Variants in GALNT13 observed in about 807,000 individuals in gnomAD.
GALNT13 encodes the protein polypeptide N-acetylgalactosaminyltransferase 13, also known as UDP-GalNAc:polypeptide N-acetylgalactosaminyltransferase 13.
In GALNT13, 28 loss-of-function variants were observed where a neutral mutation model predicts 64.2. The ratio of observed to expected loss-of-function variants is 0.44; its 90% CI spans 0.32 to 0.60. The LOEUF (loss-of-function observed/expected upper bound fraction) is 0.60. GALNT13 is among the 20% of genes least tolerant of loss of function. GALNT13 has a pLI of 0.05. For synonymous variants in GALNT13, 214 were observed against 224.6 expected, an observed-to-expected ratio of 0.95 and a Z score of 0.42; for missense variants, 577 against 669.8, an observed-to-expected ratio of 0.86 and a Z score of 1.53.
intron 3 of GALNT13, among the ~76,000 whole-genome samples, chr2:154,080,680 T>A (rs1396034870): frequency 6.6e-6 from 1 of 151,688 alleles, no homozygotes; most frequent in African/African-American, 2.4e-5. Flanking sequence ...ATGCACCTTT[T>A]CATACTGTGG....
At chr2:154,444,321 G>T (rs1254465063) in intron 12 of GALNT13, among the ~76,000 whole-genome samples, 1 of 151,966 alleles carries the variant, frequency 6.6e-6, no homozygotes, top group Non-Finnish European at 1.5e-5. Flanking sequence ...AATGTGCAAG[G>T]ACTTGAATAA....
the GALNT13 span, chr2:153,371,148 A>T: frequency 2.0e-5 from 3 of 153,024 alleles, no homozygotes; most frequent in Admixed American, 6.5e-5. Flanking sequence ...ACATCCATTT[A>T]TGATATCAAC....
chr2:153,230,714 C>G, the GALNT13 span, among the ~76,000 whole-genome samples: 1 of 152,142 alleles, frequency 6.6e-6, no homozygotes, highest in Non-Finnish European at 1.5e-5. Flanking sequence ...ATATCTTCAT[C>G]CTTTCAGCAA....
At chr2:154,382,854 A>G (rs922984186) in intron 9 of GALNT13, among the ~76,000 whole-genome samples, 1 of 151,526 alleles carries the variant, frequency 6.6e-6, no homozygotes, top group African/African-American at 2.4e-5. Context: ...GACTGTGGTT[A>G]TGGAATTTGT....
At chr2:153,841,058 A>C in the GALNT13 span, among the ~76,000 whole-genome samples, 6 of 152,178 alleles carry the variant, frequency 3.9e-5, no homozygotes, top group Admixed American at 3.3e-4. Flanking sequence ...TGTTAGAATC[A>C]GTCTTGTCAA....
chr2:154,349,964 G>T (rs1400964422), intron 9 of GALNT13, among the ~76,000 whole-genome samples: 1 of 152,206 alleles, frequency 6.6e-6, no homozygotes, highest in African/African-American at 2.4e-5. Flanking sequence ...AAAAACAGAT[G>T]TCAGTTCTAA....
chr2:153,250,390 T>C, the GALNT13 span, among the ~76,000 whole-genome samples: 4,013 of 152,312 alleles, frequency 0.026, 180 homozygotes, highest in African/African-American at 0.091. Flanking sequence ...CAACAGATGC[T>C]GGAGAGGATG....
chr2:153,670,211 G>A, the GALNT13 span, among the ~76,000 whole-genome samples: 16 of 152,096 alleles, frequency 1.1e-4, no homozygotes, highest in Non-Finnish European at 1.8e-4. Flanking sequence ...CATGGCGTTC[G>A]AGCTCCGATA....
At chr2:153,827,300 G>A in the GALNT13 span, among the ~76,000 whole-genome samples, 1 of 152,076 alleles carries the variant, frequency 6.6e-6, no homozygotes, top group Non-Finnish European at 1.5e-5. Context: ...CATGACACAT[G>A]GGAATTGTGG....
At chr2:153,871,667 G>A (rs1356092005), upstream of GALNT13, among the ~76,000 whole-genome samples, 7 of 152,342 alleles carry the variant, frequency 4.6e-5, no homozygotes, top group East Asian at 1.4e-3. Context: ...TGCCTGCCAA[G>A]TATCGCGGGA....
At chr2:153,328,529 C>T in the GALNT13 span, among the ~76,000 whole-genome samples, 1 of 152,204 alleles carries the variant, frequency 6.6e-6, no homozygotes, top group East Asian at 1.9e-4. Context: ...GAGAGGCAGT[C>T]TGGCTACAGT....
chr2:153,943,642 G>A (rs1313028955), intron 2 of GALNT13, among the ~76,000 whole-genome samples: 3 of 151,746 alleles, frequency 2.0e-5, no homozygotes, highest in Admixed American at 6.6e-5. Flanking sequence ...TTACAGGCAC[G>A]TGCCACCATG....
At chr2:153,667,576 T>C in the GALNT13 span, among the ~76,000 whole-genome samples, 2 of 152,202 alleles carry the variant, frequency 1.3e-5, no homozygotes, top group Admixed American at 1.3e-4. Flanking sequence ...AAGCAAATGC[T>C]AAGGGAATTT....
chr2:153,540,228 C>G, the GALNT13 span, among the ~76,000 whole-genome samples: 4 of 152,338 alleles, frequency 2.6e-5, no homozygotes, highest in East Asian at 7.7e-4. Context: ...GGCCAAGGTA[C>G]AGCTCAGTCC....
chr2:154,441,347 G>A (rs989283694), intron 12 of GALNT13, among the ~76,000 whole-genome samples: 2 of 152,096 alleles, frequency 1.3e-5, no homozygotes, highest in Non-Finnish European at 2.9e-5. Flanking sequence ...TCCAACCTGT[G>A]GAAAGTAAAT....
At chr2:153,375,172 T>C in the GALNT13 span, among the ~76,000 whole-genome samples, 11 of 152,190 alleles carry the variant, frequency 7.2e-5, no homozygotes, top group Non-Finnish European at 1.2e-4. Context: ...CTTCAAACTT[T>C]ACATTTAAAT....
chr2:153,584,554 G>A, the GALNT13 span, among the ~76,000 whole-genome samples: 1 of 152,126 alleles, frequency 6.6e-6, no homozygotes, highest in African/African-American at 2.4e-5. Context: ...ATACCACCCT[G>A]ACTGCTCATG....
At chr2:154,013,520 G>T (rs1419742363) in intron 3 of GALNT13, among the ~76,000 whole-genome samples, 1 of 152,144 alleles carries the variant, frequency 6.6e-6, no homozygotes, top group East Asian at 1.9e-4. Flanking sequence ...GTGTCAGTGG[G>T]GTGGTGCACT....
At chr2:153,072,291 A>G in the GALNT13 span, among the ~76,000 whole-genome samples, 2 of 152,152 alleles carry the variant, frequency 1.3e-5, no homozygotes, top group African/African-American at 4.8e-5. Context: ...AGGATTCACC[A>G]TGTGAGGAGC....
Sources: allele counts gnomAD v4.1 joint callset (sites outside exome capture counted in the v4.1 genomes callset), GRCh38; gene constraint gnomAD v4.1.1; transcripts MANE v1.5; gene names NCBI Gene and HGNC (gene_info 2026-07-23, HGNC 2026-07-21).